CSMD1: variants seen among roughly 807,000 people sequenced by gnomAD.
CSMD1 encodes CUB and Sushi multiple domains 1.
In CSMD1, 213 loss-of-function variants were observed where a neutral mutation model predicts 417.5. The observed-to-expected ratio is 0.51, with a 90% CI of 0.46 to 0.57. CSMD1 has a LOEUF of 0.57. Among genes scored for constraint, CSMD1 ranks in the 20% least tolerant of loss-of-function variants. CSMD1 has a pLI of 0.00. For synonymous variants in CSMD1, 2,862 were observed against 1,736.8 expected, an observed-to-expected ratio of 1.65 and a Z score of -16.11; for missense variants, 6,923 against 4,529.7, an observed-to-expected ratio of 1.53 and a Z score of -15.17.
At chr8:4,065,807 G>A (rs1232767055) in intron 3 of CSMD1, among the ~76,000 whole-genome samples, 1 of 152,148 alleles carries the variant, frequency 6.6e-6, no homozygotes, top group Non-Finnish European at 1.5e-5. Flanking sequence ...TAACTGTACT[G>A]CTTGAGGAGT....
At chr8:4,747,063 A>G (rs1025875262) in intron 1 of CSMD1, among the ~76,000 whole-genome samples, 4 of 152,116 alleles carry the variant, frequency 2.6e-5, no homozygotes, top group African/African-American at 9.7e-5. Context: ...ATGGATCACC[A>G]TCCTCTGGGG....
intron 1 of CSMD1, among the ~76,000 whole-genome samples, chr8:4,949,018 T>C (rs1808557489): frequency 6.6e-6 from 1 of 152,174 alleles, no homozygotes; most frequent in African/African-American, 2.4e-5. Flanking sequence ...GTTTGCTAAA[T>C]GTCTTTATCC....
intron 23 of CSMD1, among the ~76,000 whole-genome samples, chr8:3,331,237 C>CAAAAAAAAAAAAAAAAAAAAAAAAAA (rs112278319): frequency 1.4e-4 from 18 of 128,502 alleles, no homozygotes; most frequent in African/African-American, 5.7e-4. Context: ...GACTCCGTCT[C>CAAAAAAAAAAAAAAAAAAAAAAAAAA]AAAAAAAAAA....
chr8:3,972,604 T>C (rs1397156305), intron 5 of CSMD1, among the ~76,000 whole-genome samples: 1 of 152,218 alleles, frequency 6.6e-6, no homozygotes, highest in Non-Finnish European at 1.5e-5. Flanking sequence ...CCTTTATTTT[T>C]AATGTACTAC....
At chr8:4,761,912 A>T (rs1676962) in intron 1 of CSMD1, among the ~76,000 whole-genome samples, 36,577 of 96,888 alleles carry the variant, frequency 0.38, 5,997 homozygotes, top group Admixed American at 0.4. Flanking sequence ...TCTATCTATC[A>T]ATCTATCTAT....
intron 10 of CSMD1, among the ~76,000 whole-genome samples, chr8:3,562,225 T>A (rs922761394): frequency 6.6e-6 from 1 of 152,300 alleles, no homozygotes; most frequent in Non-Finnish European, 1.5e-5. Context: ...AATAGAGATT[T>A]GTATCATACT....
At position 3,000,027 on chromosome 8, in the gene CSMD1, G is replaced by A. The variant is rs1477768424; in HGVS notation, c.8134C>T (p.Leu2712Phe). 6 of 1,607,092 alleles carry A rather than the reference G, an allele frequency of 3.7e-6. No individual in the cohort carries two copies. The highest frequency in any genetic ancestry group is 5.1e-6 in the Non-Finnish European group (6 of 1,178,670). The stretch of plus-strand genomic sequence containing the variant: ...CATATCCTCACGGAAGTTCCCACAA[G>A]CCGGAAACCAGGATTGCACTGGTAA... ...VVYQCNPGFR[L>F]VGTSVRICLQ... is the part of the protein sequence containing the mutation. Residue 2712 changes from leucine to phenylalanine, a missense_variant, in exon 53 of 70, where the codon CTT becomes TTT. Leu to Phe is a conservative substitution (Grantham distance 22). Coordinates refer to ENST00000635120, the MANE Select transcript of CSMD1 (RefSeq NM_033225.6).
intron 3 of CSMD1, among the ~76,000 whole-genome samples, chr8:4,377,382 A>T (rs1802821554): frequency 6.6e-6 from 1 of 152,192 alleles, no homozygotes; most frequent in Non-Finnish European, 1.5e-5. Flanking sequence ...CTTTTCTTTT[A>T]GTCGTTATAT....
intron 1 of CSMD1, among the ~76,000 whole-genome samples, chr8:4,833,189 G>C (rs1185688960): frequency 1.3e-5 from 2 of 152,162 alleles, no homozygotes; most frequent in East Asian, 1.9e-4. Flanking sequence ...AAAACTATGT[G>C]AGACTGGGTA....
intron 6 of CSMD1, among the ~76,000 whole-genome samples, chr8:3,730,193 T>C (rs1410840095): frequency 6.6e-6 from 1 of 151,996 alleles, no homozygotes; most frequent in Non-Finnish European, 1.5e-5. Context: ...CTCCAACAGG[T>C]AGGCAGAGAA....
chr8:4,261,837 A>G (rs894420321), intron 3 of CSMD1, among the ~76,000 whole-genome samples: 2 of 152,212 alleles, frequency 1.3e-5, no homozygotes, highest in African/African-American at 4.8e-5. Flanking sequence ...TTATATGTAT[A>G]AAGATTTTGT....
chr8:4,267,531 T>C (rs903786556), intron 3 of CSMD1, among the ~76,000 whole-genome samples: 4 of 151,794 alleles, frequency 2.6e-5, no homozygotes, highest in Admixed American at 1.3e-4. Flanking sequence ...CCAGCTACAC[T>C]GCAACTCCAA....
chr8:4,172,953 T>C (rs571694526), intron 3 of CSMD1, among the ~76,000 whole-genome samples: 2 of 152,226 alleles, frequency 1.3e-5, no homozygotes, highest in African/African-American at 4.8e-5. Context: ...CCTCGAGGGC[T>C]GAGGCAGGCA....
chr8:4,016,727 T>A (rs181919801), intron 4 of CSMD1, among the ~76,000 whole-genome samples: 1 of 152,204 alleles, frequency 6.6e-6, no homozygotes, highest in East Asian at 1.9e-4. Context: ...GAAGACCCTA[T>A]AGCCAAACCA....
chr8:4,560,229 T>C (rs949326164), intron 2 of CSMD1, among the ~76,000 whole-genome samples: 5 of 152,234 alleles, frequency 3.3e-5, no homozygotes, highest in Non-Finnish European at 7.3e-5. Context: ...GAAGCCATGT[T>C]TGCTCATTTC....
chr8:4,893,309 T>C (rs1012990108), intron 1 of CSMD1, among the ~76,000 whole-genome samples: 27 of 152,148 alleles, frequency 1.8e-4, no homozygotes, highest in African/African-American at 5.8e-4. Context: ...ATATATTCTG[T>C]AGAGTAATCC....
At chr8:4,637,060 A>C (rs763953083) in intron 2 of CSMD1, among the ~76,000 whole-genome samples, 39 of 152,262 alleles carry the variant, frequency 2.6e-4, no homozygotes, top group Non-Finnish European at 4.6e-4. Context: ...TAAGGGCACA[A>C]AAGCAGCCCA....
At chr8:3,766,463 C>G (rs1484682455) in intron 5 of CSMD1, among the ~76,000 whole-genome samples, 2 of 152,154 alleles carry the variant, frequency 1.3e-5, no homozygotes, top group Admixed American at 6.6e-5. Context: ...ACAGGCCTCT[C>G]AGGCTTGCCA....
intron 2 of CSMD1, among the ~76,000 whole-genome samples, chr8:4,424,753 G>A (rs1377612284): frequency 6.6e-6 from 1 of 152,026 alleles, no homozygotes; most frequent in African/African-American, 2.4e-5. Flanking sequence ...ATGGGAAACT[G>A]TCCCTATCTT....
Sources: allele counts gnomAD v4.1 joint callset (sites outside exome capture counted in the v4.1 genomes callset), GRCh38; gene constraint gnomAD v4.1.1; transcripts MANE v1.5; gene names NCBI Gene and HGNC (gene_info 2026-07-23, HGNC 2026-07-21).